Variants in ETNK1 observed in about 807,000 individuals in gnomAD.
The protein encoded by ETNK1 is ethanolamine kinase 1, also known as putative protein product of Nbla10396.
Under a neutral mutation model 45.1 loss-of-function variants are expected in ETNK1, and 8 were observed. The ratio of observed to expected loss-of-function variants is 0.18; its 90% confidence interval spans 0.10 to 0.32. The LOEUF (loss-of-function observed/expected upper bound fraction) is 0.32, where lower values mean the gene tolerates loss of function less well. ETNK1 is among the 10% of genes least tolerant of loss of function. The pLI is 1.00. For missense variants in ETNK1, 302 were observed against 430.6 expected, an observed-to-expected ratio of 0.70 and a Z score of 2.64; for synonymous variants, 152 against 151.9, an observed-to-expected ratio of 1.00 and a Z score of -0.01.
At chr12:22,662,061 C>T (rs866079631) in intron 4 of ETNK1, among the ~76,000 whole-genome samples, 2 of 147,770 alleles carry the variant, frequency 1.4e-5, no homozygotes, top group Admixed American at 6.7e-5. Context: ...CCCGCACCCC[C>T]CCCCCCTTTT....
chr12:22,641,010 A>G (rs1344006090), intron 1 of ETNK1, among the ~76,000 whole-genome samples: 1 of 152,216 alleles, frequency 6.6e-6, no homozygotes, highest in Non-Finnish European at 1.5e-5. Context: ...TAGATGATTC[A>G]GCACATTGAG....
At chr12:22,666,462 T>A (rs1298800682) in intron 4 of ETNK1, among the ~76,000 whole-genome samples, 2 of 152,168 alleles carry the variant, frequency 1.3e-5, no homozygotes, top group African/African-American at 4.8e-5. Context: ...AATATTTTAA[T>A]TTCAACTAAT....
At chr12:22,631,335 T>C (rs8181655) in intron 1 of ETNK1, among the ~76,000 whole-genome samples, 56,221 of 151,618 alleles carry the variant, frequency 0.37, 10,719 homozygotes, top group Non-Finnish European at 0.42. Context: ...CCACCACGCC[T>C]GGCTAATTTT....
chr12:22,671,367 G>A lies in ETNK1; in HGVS notation c.784+12G>A, dbSNP rs374068091. On this transcript the variant is annotated intron_variant, in intron 5 of 7. Transcript: ENST00000266517. ...CAATGAATTTGCAGGTATAACTAAT[G>A]GAGTAACTTATTTAGCTTTGAAACG... 1 of 1,468,866 alleles carries A rather than the reference G, an allele frequency of 6.8e-7. No homozygotes were observed. The highest frequency in any genetic ancestry group is 9.5e-7 in the Non-Finnish European group (1 of 1,049,696). The allele number at this position is 1,468,866 out of a possible 1,614,324, so 91.0% of individuals were successfully genotyped here.
At chr12:22,684,625 A>C (rs889308777) in intron 7 of ETNK1, 69 bp downstream of exon 7, 8 of 1,075,896 alleles carry the variant, frequency 7.4e-6, no homozygotes, top group Non-Finnish European at 9.8e-6. Context: ...AAGAATTCAC[A>C]GGGAATATTG....
In ETNK1 at chr12:22,686,217, G is replaced by A. The variant is rs1396097501; in HGVS notation, c.*1263G>A. ...TTTTAATTTTGTCTGGTGGTAAGAG[G>A]GAGGTAATTATTGTATGGAAAGAAG... On this transcript the variant is annotated 3_prime_UTR_variant, in exon 8 of 8. Coordinates refer to ENST00000266517, the MANE Select transcript of ETNK1 (RefSeq NM_018638.5). 1.3e-5 allele frequency: 2 copies of A among 152,244 alleles called. No individual in the cohort carries two copies. Among genetic ancestry groups the A allele is most frequent in the African/African-American group, 4.8e-5 (2 of 41,402 alleles). 9.4% of individuals were successfully genotyped at this position (152,244 alleles called of 1,614,324 possible).
chr12:22,654,141 T>A (rs7133091), intron 2 of ETNK1, among the ~76,000 whole-genome samples: 8,004 of 152,308 alleles, frequency 0.053, 686 homozygotes, highest in African/African-American at 0.18. Context: ...TTCTACCATG[T>A]GAAAATGCAG....
rs529699973 is a variant in ETNK1, at chr12:22,673,726, G to A, written c.945+66G>A. ...TAATTGAAAATGCTTCTAAATTTTC[G>A]TCATCTTAGACAATTTCCTATTTTA... On this transcript the variant is annotated intron_variant, in intron 6 of 7. Coordinates refer to ENST00000266517, the MANE Select transcript of ETNK1 (RefSeq NM_018638.5). The A allele has an allele frequency of 1.3e-4, 183 of 1,429,930 alleles. 2 individuals are homozygous for A. Among genetic ancestry groups the A allele is most frequent in the South Asian group, 9.4e-4 (68 of 72,304 alleles). 88.6% of individuals were successfully genotyped at this position (1,429,930 alleles called of 1,614,324 possible).
At chr12:22,643,573 G>T (rs553448335) in intron 1 of ETNK1, among the ~76,000 whole-genome samples, 190 bp from the exon 2 acceptor site, 1 of 152,140 alleles carries the variant, frequency 6.6e-6, no homozygotes, top group South Asian at 2.1e-4. Flanking sequence ...AACATTAGTG[G>T]TTCTCTTTGT....
At chr12:22,668,421 A>T (rs1954076013) in intron 4 of ETNK1, among the ~76,000 whole-genome samples, 1 of 152,232 alleles carries the variant, frequency 6.6e-6, no homozygotes, top group African/African-American at 2.4e-5. Context: ...AACTAAGGGA[A>T]GTTGGCTTTT....
chr12:22,656,736 A>C (rs988022044), intron 2 of ETNK1: 15 of 984,642 alleles, frequency 1.5e-5, no homozygotes, highest in Non-Finnish European at 1.8e-5. Context: ...GGTCTCTTAT[A>C]AACCCTGGGG....
At chr12:22,665,970 T>C (rs759711022) in intron 4 of ETNK1, among the ~76,000 whole-genome samples, 6 of 152,106 alleles carry the variant, frequency 3.9e-5, no homozygotes, top group Admixed American at 3.3e-4. Context: ...TATATATATA[T>C]GAGCATATGT....
At chr12:22,633,727 G>A (rs1221058743) in intron 1 of ETNK1, among the ~76,000 whole-genome samples, 1 of 145,284 alleles carries the variant, frequency 6.9e-6, no homozygotes, top group East Asian at 2.1e-4. Flanking sequence ...GAGATCTCAC[G>A]TGTTTTATTT....
intron 6 of ETNK1, among the ~76,000 whole-genome samples, chr12:22,677,926 C>T (rs1248943927): frequency 6.6e-6 from 1 of 151,934 alleles, no homozygotes; most frequent in Non-Finnish European, 1.5e-5. Flanking sequence ...CTTTATTTAT[C>T]AAGTCAGTTT....
chr12:22,641,126 C>G (rs1280421711), intron 1 of ETNK1, among the ~76,000 whole-genome samples: 1 of 152,102 alleles, frequency 6.6e-6, no homozygotes, highest in Non-Finnish European at 1.5e-5. Context: ...CCAGTAGAAA[C>G]TCACCTGTAG....
chr12:22,625,515 T>A lies in ETNK1; in HGVS notation c.85T>A (p.Cys29Ser). Residue 29 changes from cysteine to serine, a missense_variant, in exon 1 of 8, where the codon TGC becomes AGC. Cys to Ser is a moderately radical substitution (Grantham distance 112, BLOSUM62 -1). Around this residue, in one of 3 missense-constraint regions of ETNK1, gnomAD observed 205 missense variants for 259.9 expected, o/e 0.79. Transcript: ENST00000266517. The part of the protein sequence containing the change: ...VTVQDQEEHR[C>S]REGALSLLQH... ...CGTTCAGGATCAGGAGGAGCATCGC[T>A]GCCGGGAGGGGGCCCTGAGCCTCCT... 1 of 1,606,702 alleles carries A rather than the reference T, an allele frequency of 6.2e-7. No individual in the cohort carries two copies. The highest frequency in any genetic ancestry group is 8.5e-7 in the Non-Finnish European group (1 of 1,177,170).
intron 6 of ETNK1, among the ~76,000 whole-genome samples, chr12:22,684,248 A>G (rs75483986): frequency 9.7e-4 from 147 of 152,128 alleles, no homozygotes; most frequent in African/African-American, 3.4e-3. Context: ...ACTGGCCTCT[A>G]TTTTTCAAGT....
intron 1 of ETNK1, among the ~76,000 whole-genome samples, chr12:22,636,163 CAA>C (rs780214972): frequency 2.0e-4 from 31 of 151,730 alleles, no homozygotes; most frequent in Non-Finnish European, 3.1e-4. Flanking sequence ...GACCCTCTCT[CAA>C]AAAAAGGTAA....
chr12:22,652,743 C>T (rs1315643401), intron 2 of ETNK1, among the ~76,000 whole-genome samples: 2 of 152,068 alleles, frequency 1.3e-5, no homozygotes, highest in Non-Finnish European at 2.9e-5. Flanking sequence ...ATATTAACTC[C>T]TTGTTAAATA....
Sources: allele counts gnomAD v4.1 joint callset (sites outside exome capture counted in the v4.1 genomes callset), GRCh38; gene constraint gnomAD v4.1.1; regional missense constraint gnomAD v4.1.1; transcripts MANE v1.5; gene names NCBI Gene and HGNC (gene_info 2026-07-23, HGNC 2026-07-21).